The following ABTB2 variants were observed in gnomAD, a reference collection of about 807,000 sequenced individuals.
ABTB2 encodes ankyrin repeat and BTB domain containing 2.
ABTB2 carries 56 observed loss-of-function variants against 104.1 expected under a neutral mutation model. The observed-to-expected ratio is 0.54, with a 90% CI of 0.43 to 0.67. The LOEUF (loss-of-function observed/expected upper bound fraction) is 0.67. Ranked by LOEUF, ABTB2 falls within the 30% of genes least tolerant of loss-of-function variation. ABTB2 has a pLI of 0.00. For synonymous variants in ABTB2, 606 were observed against 608.2 expected, an observed-to-expected ratio of 1.00 and a Z score of 0.05; for missense variants, 1,279 against 1,407.7, an observed-to-expected ratio of 0.91 and a Z score of 1.46.
At chr11:34,230,124 C>G (rs147575441) in intron 1 of ABTB2, among the ~76,000 whole-genome samples, 63 of 152,336 alleles carry the variant, frequency 4.1e-4, no homozygotes, top group African/African-American at 1.5e-3. Flanking sequence ...GGCACACGCA[C>G]TCAGCACTCG....
intron 1 of ABTB2, among the ~76,000 whole-genome samples, chr11:34,355,141 A>G (rs528566679): frequency 6.6e-6 from 1 of 152,348 alleles, no homozygotes; most frequent in South Asian, 2.1e-4. Context: ...AAAACCAATA[A>G]TGTCAAAGTA....
rs745772900 is a variant in ABTB2 at position 34,164,844 on chromosome 11, C to T, written c.1853-23G>A. On this transcript the variant is annotated intron_variant, in intron 8 of 16. Coordinates refer to ENST00000435224, the MANE Select transcript of ABTB2 (RefSeq NM_145804.3). ...TCCCTGAAAGAGAAGGTGGGCAGCA[C>T]GGAGGACACTGAGACAGTAGCCGCC... 41 of 1,580,862 alleles carry T rather than the reference C, an allele frequency of 2.6e-5. 1 individual carries two copies. The highest frequency in any genetic ancestry group is 2.8e-5 in the African/African-American group (2 of 72,484).
Position 34,231,838 on chromosome 11 carries a change from C to T in ABTB2, c.884-27148G>A, listed in dbSNP as rs142773859. Among the ~76,000 whole-genome samples the T allele has an allele frequency of 4.5e-3, 690 of 152,106 alleles. 6 individuals are homozygous for T. The highest frequency in any genetic ancestry group is 0.015 in the African/African-American group (626 of 41,490). On this transcript the variant is annotated intron_variant, in intron 1 of 16. Transcript: ENST00000435224. ...GACACTTTACCTCTGTGGACTTCCC[C>T]GCAAAAAACCCTATAACCCCACACT...
intron 1 of ABTB2, among the ~76,000 whole-genome samples, chr11:34,348,767 T>C (rs1020663609): frequency 1.3e-5 from 2 of 152,204 alleles, no homozygotes; most frequent in East Asian, 1.9e-4. Flanking sequence ...GCACCCGCAA[T>C]GGGGAACCAG....
chr11:34,197,516 C>T lies in ABTB2; in HGVS notation c.1053G>A (p.Met351Ile). 1.3e-6 allele frequency: 2 copies of T among 1,579,636 alleles called. No homozygotes were observed. The highest frequency in any genetic ancestry group is 1.7e-6 in the Non-Finnish European group (2 of 1,168,580). ...SELSDLVSRAMHHMQGRHPLC... is the reference protein window; with the variant it reads ...SELSDLVSRAIHHMQGRHPLC... ...GGGGGTGACGCCCCTGCATGTGGTG[C>T]ATGGCACGGGAGACCAAGTCACCTG... Residue 351 changes from methionine to isoleucine, a missense_variant, in exon 3 of 17, where the codon ATG becomes ATA. Transcript: ENST00000435224.
chr11:34,210,320 A>G (rs183647266), intron 1 of ABTB2, among the ~76,000 whole-genome samples: 8 of 152,278 alleles, frequency 5.3e-5, no homozygotes, highest in South Asian at 4.1e-4. Flanking sequence ...AATCCTTTTT[A>G]TCCCTTCTCA....
chr11:34,195,088 T>TGGGGGGGGGGGGGGGGGG (rs1565137708), intron 3 of ABTB2, among the ~76,000 whole-genome samples: 1 of 33,252 alleles, frequency 3.0e-5, no homozygotes, highest in Non-Finnish European at 7.3e-5. Context: ...GGGGGGGGAG[T>TGGGGGGGGGGGGGGGGGG]GGGGGCGGGA....
chr11:34,332,049 G>A (rs1025505113), intron 1 of ABTB2, among the ~76,000 whole-genome samples: 1 of 152,152 alleles, frequency 6.6e-6, no homozygotes, highest in Non-Finnish European at 1.5e-5. Context: ...CCCCCAATCT[G>A]ATTTTGTAGC....
intron 1 of ABTB2, among the ~76,000 whole-genome samples, chr11:34,323,784 T>C (rs909602935): frequency 2.6e-5 from 4 of 152,190 alleles, no homozygotes; most frequent in Non-Finnish European, 5.9e-5. Context: ...ACCAGGTGTA[T>C]GGAGGGCACT....
chr11:34,203,056 A>T (rs1173770786), intron 2 of ABTB2, among the ~76,000 whole-genome samples: 1 of 152,098 alleles, frequency 6.6e-6, no homozygotes, highest in African/African-American at 2.4e-5. Flanking sequence ...TGTAATGGGC[A>T]TGAGGCCACC....
At chr11:34,300,165 C>T (rs914689927) in intron 1 of ABTB2, among the ~76,000 whole-genome samples, 3 of 152,158 alleles carry the variant, frequency 2.0e-5, no homozygotes, top group African/African-American at 7.2e-5. Context: ...AACTGCCATG[C>T]TAGCTCAGCA....
intron 3 of ABTB2, among the ~76,000 whole-genome samples, chr11:34,184,552 C>T (rs886393631): frequency 2.6e-5 from 4 of 152,192 alleles, no homozygotes; most frequent in South Asian, 2.1e-4. Context: ...GTGGAGACTG[C>T]GCATGGGCCT....
chr11:34,184,930 T>C (rs868790719), intron 3 of ABTB2, among the ~76,000 whole-genome samples: 4 of 152,212 alleles, frequency 2.6e-5, no homozygotes, highest in African/African-American at 9.6e-5. Flanking sequence ...ACCTCCAACC[T>C]GCTCAAACAT....
In ABTB2 at chr11:34,353,287, G is replaced by C. The variant is rs1215408952; in HGVS notation, c.883+3414C>G. 4.6e-5 allele frequency among the ~76,000 whole-genome samples: 7 copies of C among 152,236 alleles called. No individual in the cohort carries two copies. The East Asian group carries it at 1.2e-3, about 25-fold the overall frequency. On this transcript the variant is annotated intron_variant, in intron 1 of 16. Coordinates refer to ENST00000435224, the MANE Select transcript of ABTB2 (RefSeq NM_145804.3). ...TAAAATGCCACAGACACTCACAAAA[G>C]CTTAGTAAGAAGAATGACCAAGAAG... is the stretch of plus-strand genomic sequence containing the variant.
At chr11:34,256,177 G>C (rs1289507036) in intron 1 of ABTB2, among the ~76,000 whole-genome samples, 1 of 152,018 alleles carries the variant, frequency 6.6e-6, no homozygotes, top group East Asian at 1.9e-4. Flanking sequence ...GGGTGGGGCG[G>C]GGGGCACCTA....
At chr11:34,260,273 C>T (rs73495589) in intron 1 of ABTB2, among the ~76,000 whole-genome samples, 5,218 of 152,208 alleles carry the variant, frequency 0.034, 309 homozygotes, top group African/African-American at 0.12. Context: ...CAATGAGGAA[C>T]GTGATCAAGT....
intron 1 of ABTB2, among the ~76,000 whole-genome samples, chr11:34,210,788 G>A (rs1257399787): frequency 1.3e-5 from 2 of 152,184 alleles, no homozygotes; most frequent in Non-Finnish European, 2.9e-5. Flanking sequence ...CTCCTTTACT[G>A]CACTCGCAAG....
chr11:34,230,343 AG>A (rs1853752753), intron 1 of ABTB2, among the ~76,000 whole-genome samples: 1 of 152,192 alleles, frequency 6.6e-6, no homozygotes, highest in African/African-American at 2.4e-5. Flanking sequence ...GGAGAATTTG[AG>A]GGTTGTACCT....
chr11:34,196,849 C>G (rs1853262993), intron 3 of ABTB2, among the ~76,000 whole-genome samples: 1 of 152,230 alleles, frequency 6.6e-6, no homozygotes, highest in African/African-American at 2.4e-5. Flanking sequence ...CCCAGGACCC[C>G]TCATAACAAT....
Sources: gnomAD v4.1 joint callset for allele counts (sites outside exome capture counted in the v4.1 genomes callset) on GRCh38, gnomAD v4.1.1 for gene constraint, MANE v1.5 for transcripts, NCBI Gene and HGNC (gene_info 2026-07-23, HGNC 2026-07-21) for gene names.